The following BANP variants were observed in gnomAD, a reference collection of about 807,000 sequenced individuals.
The protein encoded by BANP is protein BANP.
In BANP, 11 loss-of-function variants were observed where a neutral mutation model predicts 68.1. That is an observed-to-expected ratio of 0.16 (90% CI 0.10 to 0.27). BANP has a LOEUF of 0.27. Among genes scored for constraint, BANP ranks in the 10% least tolerant of loss-of-function variants. The pLI is 1.00. For missense variants in BANP, 504 were observed against 722.7 expected, an observed-to-expected ratio of 0.70 and a Z score of 3.47; for synonymous variants, 329 against 303.2, an observed-to-expected ratio of 1.09 and a Z score of -0.88.
intron 10 of BANP, among the ~76,000 whole-genome samples, chr16:88,035,612 G>T (rs866923721): frequency 6.6e-6 from 1 of 152,312 alleles, no homozygotes; most frequent in African/African-American, 2.4e-5. Flanking sequence ...ACAGCTTCTG[G>T]TCTGTCTTGG....
intron 4 of BANP, among the ~76,000 whole-genome samples, chr16:88,001,475 C>G (rs2069324771): frequency 6.6e-6 from 1 of 152,232 alleles, no homozygotes; most frequent in Non-Finnish European, 1.5e-5. Flanking sequence ...CCACATCGGT[C>G]CTTAGATAGG....
At chr16:88,019,356 T>A (rs2152670866) in intron 7 of BANP, among the ~76,000 whole-genome samples, 1 of 151,966 alleles carries the variant, frequency 6.6e-6, no homozygotes, top group South Asian at 2.1e-4. Flanking sequence ...CTAACGAAGA[T>A]GTAAAGTGAA....
At chr16:88,027,948 G>A (rs1306095668) in intron 8 of BANP, among the ~76,000 whole-genome samples, 7 of 152,276 alleles carry the variant, frequency 4.6e-5, no homozygotes, top group Non-Finnish European at 1.0e-4. Context: ...TTTGCGTGGG[G>A]CTGCCGGCCG....
chr16:87,964,323 G>A (rs1281344951), intron 1 of BANP, among the ~76,000 whole-genome samples: 1 of 152,248 alleles, frequency 6.6e-6, no homozygotes, highest in African/African-American at 2.4e-5. Flanking sequence ...TCCTGCCCTT[G>A]TGAAGCTCAC....
chr16:87,971,296 T>C (rs2061075080), intron 1 of BANP, among the ~76,000 whole-genome samples: 2 of 152,142 alleles, frequency 1.3e-5, no homozygotes, highest in African/African-American at 4.8e-5. Context: ...GGAGATAGGG[T>C]GCTCCGCTAG....
intron 11 of BANP, among the ~76,000 whole-genome samples, chr16:88,048,344 C>T (rs139822030): frequency 2.0e-5 from 3 of 152,182 alleles, no homozygotes; most frequent in East Asian, 1.9e-4. Flanking sequence ...CTAAATAAAG[C>T]GCAGACACGA....
intron 13 of BANP, among the ~76,000 whole-genome samples, chr16:88,074,710 A>G (rs2091220261): frequency 6.8e-6 from 1 of 147,464 alleles, no homozygotes; most frequent in Non-Finnish European, 1.5e-5. Flanking sequence ...CCAACCTCCC[A>G]TGGCCTTCAG....
chr16:87,975,002 A>G, intron 1 of BANP, 46 bp from the exon 2 acceptor site: 2 of 849,042 alleles, frequency 2.4e-6, no homozygotes, highest in African/African-American at 3.4e-5. Flanking sequence ...TTTCACGTGT[A>G]GCGATGGTTA....
At chr16:88,014,819 C>T (rs2152632316) in intron 6 of BANP, among the ~76,000 whole-genome samples, 1 of 152,158 alleles carries the variant, frequency 6.6e-6, no homozygotes, top group Admixed American at 6.5e-5. Flanking sequence ...GTCCTAAGTC[C>T]AGAGATGCTT....
At chr16:87,991,501 A>T (rs151158290) in intron 4 of BANP, among the ~76,000 whole-genome samples, 155 of 152,356 alleles carry the variant, frequency 1.0e-3, no homozygotes, top group African/African-American at 3.7e-3. Flanking sequence ...TGCCAACTTA[A>T]CAGTATTGAG....
chr16:87,967,267 T>TC (rs2060198674), intron 1 of BANP, among the ~76,000 whole-genome samples: 1 of 145,560 alleles, frequency 6.9e-6, no homozygotes. Context: ...TTTTTTTTTT[T>TC]TTTTTTTTTT....
At chr16:87,959,323 G>A (rs4843748) in intron 1 of BANP, among the ~76,000 whole-genome samples, 102,120 of 152,210 alleles carry the variant, frequency 0.67, 35,061 homozygotes, top group African/African-American at 0.79. Flanking sequence ...CCCATTCCTG[G>A]CTCACAGGCT....
chr16:87,990,824 G>A (rs1487762899), intron 4 of BANP, among the ~76,000 whole-genome samples: 2 of 152,154 alleles, frequency 1.3e-5, no homozygotes, highest in East Asian at 3.9e-4. Context: ...GTGCAGTGGC[G>A]CAATCTCGGC....
intron 4 of BANP, among the ~76,000 whole-genome samples, chr16:87,988,387 C>T (rs1270014669): frequency 7.2e-5 from 11 of 152,020 alleles, no homozygotes; most frequent in Non-Finnish European, 1.6e-4. Context: ...CCTCAGCCTC[C>T]TGAGTAGCTG....
At chr16:88,041,897 G>A (rs1225357981) in intron 11 of BANP, among the ~76,000 whole-genome samples, 3 of 152,254 alleles carry the variant, frequency 2.0e-5, no homozygotes, top group East Asian at 1.9e-4. Flanking sequence ...CTGGGAGTGC[G>A]CAAGAACCAC....
At chr16:87,997,587 G>C (rs910759783) in intron 4 of BANP, among the ~76,000 whole-genome samples, 8 of 152,202 alleles carry the variant, frequency 5.3e-5, no homozygotes, top group African/African-American at 1.9e-4. Flanking sequence ...TCGTGGTAAA[G>C]TGGGTAAAAT....
chr16:87,973,881 G>A (rs2061576561), intron 1 of BANP, among the ~76,000 whole-genome samples: 4 of 152,166 alleles, frequency 2.6e-5, no homozygotes, highest in South Asian at 4.1e-4. Context: ...CACGGGTGAG[G>A]CCTGCTTATG....
Position 88,004,423 on chromosome 16 carries a change from G to C in BANP, c.479+12G>C. On this transcript the variant is annotated intron_variant, in intron 5 of 13. Transcript: ENST00000682872. The surrounding 1 kb of genome is among the most constrained non-coding windows in gnomAD (Gnocchi z 7.0). ...AATGTCATTAGCAAGTCAGTAGCAC[G>C]GCACCAACCCCACCTTTCCCTGCCA... The C allele has an allele frequency of 7.1e-7, 1 of 1,404,914 alleles. No individual in the cohort carries two copies. Among genetic ancestry groups the C allele is most frequent in the Non-Finnish European group, 9.8e-7 (1 of 1,023,656 alleles). The allele number at this position is 1,404,914 out of a possible 1,614,324, so 87.0% of individuals were successfully genotyped here.
At chr16:88,019,842 TC>T (rs2075648001) in intron 7 of BANP, among the ~76,000 whole-genome samples, 1 of 152,132 alleles carries the variant, frequency 6.6e-6, no homozygotes. Context: ...GCTCCGCTGT[TC>T]CGTAGCTGCT....
Sources: gnomAD v4.1 joint callset for allele counts (sites outside exome capture counted in the v4.1 genomes callset) on GRCh38, gnomAD v4.1.1 for gene constraint, Gnocchi (gnomAD v3.1) non-coding constraint, MANE v1.5 for transcripts, NCBI Gene and HGNC (gene_info 2026-07-23, HGNC 2026-07-21) for gene names.